The following GTF2F2 variants were observed in gnomAD, a reference collection of about 807,000 sequenced individuals.
The protein encoded by GTF2F2 is ATP-dependent helicase GTF2F2.
GTF2F2 carries 23 observed loss-of-function variants against 42.2 expected under a neutral mutation model. The observed-to-expected ratio is 0.55, with a 90% confidence interval of 0.39 to 0.77. The LOEUF is 0.77. GTF2F2 is among the 30% of genes least tolerant of loss of function. The pLI, the probability that GTF2F2 is intolerant of heterozygous loss-of-function variation, is 0.00. For synonymous variants in GTF2F2, 105 were observed against 100.8 expected, an observed-to-expected ratio of 1.04 and a Z score of -0.25; for missense variants, 261 against 287.2, an observed-to-expected ratio of 0.91 and a Z score of 0.66.
At chr13:45,141,189 G>C (rs1869910022) in intron 2 of GTF2F2, among the ~76,000 whole-genome samples, 1 of 152,140 alleles carries the variant, frequency 6.6e-6, no homozygotes, top group Non-Finnish European at 1.5e-5. Context: ...ACAGGAAAAA[G>C]AGTGAAAGGA....
chr13:45,242,256 CTTT>C (rs71184405), intron 5 of GTF2F2, among the ~76,000 whole-genome samples: 1 of 105,672 alleles, frequency 9.5e-6, no homozygotes, highest in Non-Finnish European at 1.9e-5. Context: ...GCTGGCACTT[CTTT>C]TTTTTTTTTT....
intron 4 of GTF2F2, among the ~76,000 whole-genome samples, chr13:45,186,236 A>G (rs1244419544): frequency 6.6e-6 from 1 of 151,274 alleles, no homozygotes; most frequent in Non-Finnish European, 1.5e-5. Flanking sequence ...TGGCCTCCCA[A>G]AGTGCTGAGA....
At chr13:45,281,365 C>T (rs1440173491) in intron 7 of GTF2F2, among the ~76,000 whole-genome samples, 1 of 152,138 alleles carries the variant, frequency 6.6e-6, no homozygotes, top group Non-Finnish European at 1.5e-5. Flanking sequence ...ACAACCTACC[C>T]CTAACTAAAA....
chr13:45,202,849 T>G (rs1873261462), intron 4 of GTF2F2, among the ~76,000 whole-genome samples: 1 of 151,914 alleles, frequency 6.6e-6, no homozygotes. Context: ...GCACCTCAGG[T>G]GGCTGAGGCA....
chr13:45,248,456 GT>G (rs1175681793), intron 5 of GTF2F2, among the ~76,000 whole-genome samples: 1 of 151,478 alleles, frequency 6.6e-6, no homozygotes, highest in Admixed American at 6.6e-5. Flanking sequence ...TTGTTTTTGT[GT>G]GTTTTGTTTT....
rs538918444 is a variant in GTF2F2 at position 45,243,050 on chromosome 13, A to T, written c.387-9821A>T. 5.9e-5 allele frequency among the ~76,000 whole-genome samples: 9 copies of T among 152,300 alleles called. No individual in the cohort carries two copies. In the South Asian group the frequency reaches 1.5e-3, roughly 25 times the overall value. On this transcript the variant is annotated intron_variant, in intron 5 of 7. Transcript: ENST00000340473. ...GCAAATTAAATTCTCAGTATAGTAC[A>T]TAACTTTTCACAAAGTGTAATAATG... is the stretch of plus-strand genomic sequence containing the variant.
At chr13:45,194,308 C>G (rs1452442204) in intron 4 of GTF2F2, 1 of 1,614,144 alleles carries the variant, frequency 6.2e-7, no homozygotes, top group South Asian at 1.1e-5. Flanking sequence ...TAGGACATGC[C>G]TGAAGAGGAG....
chr13:45,229,317 A>C (rs549747879), intron 5 of GTF2F2, among the ~76,000 whole-genome samples: 2 of 148,678 alleles, frequency 1.3e-5, no homozygotes, highest in Admixed American at 6.7e-5. Flanking sequence ...ACCTCCCACC[A>C]CCGCCTTCTT....
At chr13:45,142,212 G>T (rs935348288) in intron 2 of GTF2F2, among the ~76,000 whole-genome samples, 2 of 152,228 alleles carry the variant, frequency 1.3e-5, no homozygotes, top group South Asian at 2.1e-4. Context: ...TGTTGCCCAG[G>T]CTGGAGCGCA....
At chr13:45,173,680 T>C in intron 4 of GTF2F2, among the ~76,000 whole-genome samples, 1 of 148,054 alleles carries the variant, frequency 6.8e-6, no homozygotes, top group Admixed American at 6.9e-5. Context: ...TGCAGTGGCA[T>C]GATCTTGGCT....
At chr13:45,143,070 G>T (rs1243777799) in intron 2 of GTF2F2, among the ~76,000 whole-genome samples, 1 of 151,468 alleles carries the variant, frequency 6.6e-6, no homozygotes, top group Admixed American at 6.6e-5. Flanking sequence ...TCATTCAGTG[G>T]AGTGAGACTA....
chr13:45,237,820 T>C (rs7323878), intron 5 of GTF2F2, among the ~76,000 whole-genome samples: 1,900 of 152,322 alleles, frequency 0.012, 41 homozygotes, highest in African/African-American at 0.04. Flanking sequence ...ATACTTCATT[T>C]TTGCTCTCTT....
rs1877385877 is a variant in GTF2F2 at position 45,284,480 on chromosome 13, G to GT, written c.*925dup. On this transcript the variant is annotated 3_prime_UTR_variant, in exon 8 of 8. Transcript: ENST00000340473. ...ATGAAAACAATACATGTATATGTTA[G>GT]TTTTTTCTAGCACAACACAATATTA... The GT allele has an allele frequency of 6.6e-6, 1 of 152,196 alleles. No homozygotes were observed. The highest frequency in any genetic ancestry group is 2.4e-5 in the African/African-American group (1 of 41,518). 9.4% of individuals were successfully genotyped at this position (152,196 alleles called of 1,614,324 possible).
chr13:45,233,138 G>A (rs568195876), intron 5 of GTF2F2, among the ~76,000 whole-genome samples: 62 of 152,296 alleles, frequency 4.1e-4, no homozygotes, highest in Non-Finnish European at 7.9e-4. Context: ...TGTATTCTCA[G>A]CTACTGGGGA....
At chr13:45,122,737 G>A (rs1868722259) in intron 1 of GTF2F2, among the ~76,000 whole-genome samples, 1 of 152,136 alleles carries the variant, frequency 6.6e-6, no homozygotes, top group African/African-American at 2.4e-5. Context: ...TTGATTTCAA[G>A]TTTTTTCTCC....
At chr13:45,161,209 T>TACC (rs1871019867) in intron 4 of GTF2F2, among the ~76,000 whole-genome samples, 1 of 152,194 alleles carries the variant, frequency 6.6e-6, no homozygotes, top group African/African-American at 2.4e-5. Flanking sequence ...TTTGTGGTGG[T>TACC]ACCAGTAGCC....
intron 5 of GTF2F2, among the ~76,000 whole-genome samples, chr13:45,220,280 G>A (rs567559680): frequency 7.9e-5 from 12 of 152,212 alleles, no homozygotes; most frequent in African/African-American, 2.9e-4. Context: ...GCTTCAGAGT[G>A]CCATTTATTA....
rs781727810 is a variant in GTF2F2, at chr13:45,151,750, G to A, written c.223G>A (p.Val75Ile). ...TGATATTGGTGGAAAACCAGCTTCA[G>A]TCAGTGCTCCTAGAGAACATCCATT... ...IHDIGGKPAS[V>I]SAPREHPFVL... Residue 75 changes from valine (V) to isoleucine (I), a missense_variant, in exon 4 of 8, where the codon GTC (valine) becomes ATC (isoleucine). Coordinates refer to ENST00000340473, the MANE Select transcript of GTF2F2 (RefSeq NM_004128.3). The A allele has an allele frequency of 1.2e-6, 2 of 1,600,616 alleles. No individual in the cohort carries two copies. The highest frequency in any genetic ancestry group is 1.7e-6 in the Non-Finnish European group (2 of 1,169,938).
At chr13:45,165,572 C>A (rs562455333) in intron 4 of GTF2F2, among the ~76,000 whole-genome samples, 2 of 150,496 alleles carry the variant, frequency 1.3e-5, no homozygotes, top group African/African-American at 2.5e-5. Context: ...CCCTCGCCCC[C>A]CCCCGCCGCC....
Sources: allele counts gnomAD v4.1 joint callset (sites outside exome capture counted in the v4.1 genomes callset), GRCh38; gene constraint gnomAD v4.1.1; transcripts MANE v1.5; gene names NCBI Gene and HGNC (gene_info 2026-07-23, HGNC 2026-07-21).